APPL2: variants seen among roughly 807,000 people sequenced by gnomAD.
The protein encoded by APPL2 is DCC-interacting protein 13-beta.
A neutral mutation model predicts 92.7 loss-of-function variants in APPL2; 84 were observed. That is an observed-to-expected ratio of 0.91 (90% CI 0.76 to 1.09). APPL2 has a LOEUF of 1.09. Ranked by LOEUF, APPL2 falls within the 50% of genes least tolerant of loss-of-function variation. The pLI, the probability that APPL2 is intolerant of heterozygous loss-of-function variation, is 0.00. For missense variants in APPL2, 736 were observed against 824.5 expected (o/e 0.89, Z 1.31); for synonymous variants, 291 against 291.0 (o/e 1.00, Z 0.00).
chr12:105,174,146 T>G lies in APPL2; in HGVS notation c.*168A>C. 1 of 777,232 alleles carries G rather than the reference T, an allele frequency of 1.3e-6. No individual in the cohort carries two copies. Among genetic ancestry groups the G allele is most frequent in the Non-Finnish European group, 1.9e-6 (1 of 517,452 alleles). 48.1% of individuals were successfully genotyped at this position (777,232 alleles called of 1,614,324 possible). ...AGATGGGTGGGAACGCTGTCAACCA[T>G]TTCTTAGTTTCCCTCCCAAGTCTCA... On this transcript the variant is annotated 3_prime_UTR_variant, in exon 21 of 21. Coordinates refer to ENST00000258530, the MANE Select transcript of APPL2 (RefSeq NM_018171.5).
chr12:105,228,581 G>A (rs1890694538), intron 2 of APPL2, among the ~76,000 whole-genome samples: 1 of 152,108 alleles, frequency 6.6e-6, no homozygotes, highest in Non-Finnish European at 1.5e-5. Flanking sequence ...CAACATACAT[G>A]GGCACTTCTT....
chr12:105,197,365 A>G (rs1281642504), intron 11 of APPL2, among the ~76,000 whole-genome samples: 1 of 152,190 alleles, frequency 6.6e-6, no homozygotes, highest in East Asian at 1.9e-4. Flanking sequence ...TGGCCTTCTC[A>G]GGAAGGTCGT....
At chr12:105,178,857 A>T (rs1458036383) in intron 17 of APPL2, among the ~76,000 whole-genome samples, 1 of 152,232 alleles carries the variant, frequency 6.6e-6, no homozygotes, top group Non-Finnish European at 1.5e-5. Context: ...GATCATAAAC[A>T]GTTTTCCTCA....
chr12:105,213,792 G>A (rs930352961), intron 4 of APPL2, among the ~76,000 whole-genome samples: 3 of 152,174 alleles, frequency 2.0e-5, no homozygotes, highest in African/African-American at 7.2e-5. Flanking sequence ...GGCCCCACCT[G>A]GGCTAACTGC....
At chr12:105,199,593 C>G (rs1453295809) in intron 9 of APPL2, 62 bp from the exon 10 acceptor site, 2 of 1,535,102 alleles carry the variant, frequency 1.3e-6, no homozygotes, top group Admixed American at 1.9e-5. Flanking sequence ...TACTAAGAAG[C>G]CACTGGCAGC....
At chr12:105,199,290 T>C (rs1887932892) in intron 10 of APPL2, 83 bp downstream of exon 10, 3 of 1,505,526 alleles carry the variant, frequency 2.0e-6, no homozygotes, top group Non-Finnish European at 2.7e-6. Flanking sequence ...CCTCTGACTT[T>C]AATGAGGCAC....
Position 105,186,674 on chromosome 12 carries a change from G to GATATCAT in APPL2, c.1634+1598_1634+1599insATGATAT, listed in dbSNP as rs1566056451. Among the ~76,000 whole-genome samples the GATATCAT allele has an allele frequency of 9.4e-3, 446 of 47,414 alleles. 2 individuals are homozygous for GATATCAT. The highest frequency in any genetic ancestry group is 0.018 in the African/African-American group (381 of 20,894). The allele number at this position is 47,414 out of a possible 152,430, so 31.1% of individuals were successfully genotyped here. On this transcript the variant is annotated intron_variant, in intron 17 of 20. Transcript: ENST00000258530. ...TCGATATCATATATATCATATATAT[G>GATATCAT]ATATATCATATATATATCATATATC...
chr12:105,186,669 TATATG>T lies in APPL2; in HGVS notation c.1634+1599_1634+1603del, dbSNP rs372961910. Among the ~76,000 whole-genome samples the T allele has an allele frequency of 6.7e-4, 43 of 64,524 alleles. 1 individual carries two copies. Among genetic ancestry groups the T allele is most frequent in the Middle Eastern group, 0.013 (2 of 160 alleles). The allele number at this position is 64,524 out of a possible 152,430, so 42.3% of individuals were successfully genotyped here. On this transcript the variant is annotated intron_variant, in intron 17 of 20. Transcript: ENST00000258530. ...TGATATCGATATCATATATATCATA[TATATG>T]ATATATCATATATATATCATATATC...
At chr12:105,200,089 C>G (rs2135978163) in intron 9 of APPL2, among the ~76,000 whole-genome samples, 1 of 152,258 alleles carries the variant, frequency 6.6e-6, no homozygotes, top group East Asian at 1.9e-4. Context: ...CTGCCTCGGC[C>G]TCCCAAAGTG....
chr12:105,195,174 T>A, intron 14 of APPL2, 87 bp downstream of exon 14: 1 of 1,337,542 alleles, frequency 7.5e-7, no homozygotes, highest in Non-Finnish European at 1.1e-6. Context: ...ATGCCTTGGT[T>A]TGTGTGGATT....
intron 2 of APPL2, among the ~76,000 whole-genome samples, chr12:105,220,218 C>T (rs1234379018): frequency 6.6e-6 from 1 of 152,176 alleles, no homozygotes; most frequent in African/African-American, 2.4e-5. Context: ...GAGGAGAAGG[C>T]CTCTGCTTTA....
intron 9 of APPL2, among the ~76,000 whole-genome samples, chr12:105,201,618 G>A (rs1243230551): frequency 6.6e-6 from 1 of 151,386 alleles, no homozygotes; most frequent in African/African-American, 2.4e-5. Flanking sequence ...AACACTGGGA[G>A]CTCATCCAAG....
At chr12:105,198,073 G>GCAAAACTGCCCATTCAAGTGGAAAAC in intron 10 of APPL2, 120 bp from the exon 11 acceptor site, 1 of 997,654 alleles carries the variant, frequency 1.0e-6, no homozygotes, top group Non-Finnish European at 1.5e-6. Context: ...TCTTTATATC[G>GCAAAACTGCCCATTCAAGTGGAAAAC]TTAAAGCAAA....
chr12:105,195,494 C>T lies in APPL2; in HGVS notation c.1103G>A (p.Cys368Tyr), dbSNP rs1566066090. Reference sequence around the variant, plus strand: ...CTGTCTGGAGATGTTGTTTATTGCACATATCCACTGTAGAGGACATTAAAA... The same window carrying T: ...CTGTCTGGAGATGTTGTTTATTGCATATATCCACTGTAGAGGACATTAAAA... ...ESRKENEEWI[C>Y]AINNISRQIY... Residue 368 changes from cysteine (C) to tyrosine (Y), a missense_variant, in exon 13 of 21, where the codon TGT becomes TAT. Transcript: ENST00000258530. The T allele has an allele frequency of 6.2e-7, 1 of 1,614,164 alleles. No homozygotes were observed. The highest frequency in any genetic ancestry group is 8.5e-7 in the Non-Finnish European group (1 of 1,180,026).
intron 5 of APPL2, among the ~76,000 whole-genome samples, chr12:105,208,648 G>C (rs1888961969): frequency 6.6e-6 from 1 of 152,124 alleles, no homozygotes; most frequent in Non-Finnish European, 1.5e-5. Flanking sequence ...AGTCATCCCT[G>C]GACAAAGGAA....
At chr12:105,230,039 C>CA (rs1463514527) in intron 1 of APPL2, among the ~76,000 whole-genome samples, 5 of 152,102 alleles carry the variant, frequency 3.3e-5, no homozygotes, top group African/African-American at 1.2e-4. Flanking sequence ...CATGGCCTCC[C>CA]AAAATGCTAG....
intron 1 of APPL2, among the ~76,000 whole-genome samples, chr12:105,232,485 G>C (rs907407665): frequency 5.3e-5 from 8 of 152,170 alleles, no homozygotes; most frequent in Non-Finnish European, 1.2e-4. Context: ...TAATTTGGTG[G>C]AGGAAGAGAA....
chr12:105,177,299 G>A, intron 17 of APPL2, 37 bp from the exon 18 acceptor site: 1 of 1,587,384 alleles, frequency 6.3e-7, no homozygotes, highest in Non-Finnish European at 8.7e-7. Flanking sequence ...CACAAATGTT[G>A]GATAAATTTA....
intron 1 of APPL2, among the ~76,000 whole-genome samples, chr12:105,235,644 G>A (rs1891181350): frequency 6.6e-6 from 1 of 152,212 alleles, no homozygotes; most frequent in Admixed American, 6.5e-5. Context: ...TGGTTTTCCT[G>A]AGGCACTCAG....
Sources: gnomAD v4.1 joint callset for allele counts (sites outside exome capture counted in the v4.1 genomes callset) on GRCh38, gnomAD v4.1.1 for gene constraint, MANE v1.5 for transcripts, NCBI Gene and HGNC (gene_info 2026-07-23, HGNC 2026-07-21) for gene names.